Variants in EGLN3 observed in about 807,000 individuals in gnomAD.
The protein encoded by EGLN3 is prolyl hydroxylase EGLN3.
EGLN3 carries 15 observed loss-of-function variants against 26.0 expected under a neutral mutation model. The ratio of observed to expected loss-of-function variants is 0.58; its 90% confidence interval spans 0.39 to 0.89. EGLN3 has a LOEUF of 0.89. Among genes scored for constraint, EGLN3 ranks in the 40% least tolerant of loss-of-function variants. The pLI, the probability that EGLN3 is intolerant of heterozygous loss-of-function variation, is 0.00. For missense variants in EGLN3, 238 were observed against 311.6 expected, an observed-to-expected ratio of 0.76 and a Z score of 1.78; for synonymous variants, 147 against 127.2, an observed-to-expected ratio of 1.16 and a Z score of -1.05.
chr14:33,937,118 C>T (rs995492347), intron 1 of EGLN3, among the ~76,000 whole-genome samples: 9 of 152,164 alleles, frequency 5.9e-5, no homozygotes, highest in African/African-American at 2.2e-4. Flanking sequence ...AAGCTTTCTC[C>T]AAGTTTTAAG....
intron 3 of EGLN3, 57 bp from the exon 4 acceptor site, chr14:33,927,090 A>C (rs2064367171): frequency 1.4e-5 from 17 of 1,241,912 alleles, no homozygotes; most frequent in Non-Finnish European, 1.9e-5. Context: ...TAGAAACACA[A>C]ATGTCCTATA....
intron 1 of EGLN3, among the ~76,000 whole-genome samples, chr14:33,943,779 T>C (rs1299964146): frequency 6.6e-6 from 1 of 152,178 alleles, no homozygotes; most frequent in Non-Finnish European, 1.5e-5. Context: ...AGAGAAATCT[T>C]TCATACATGG....
intron 1 of EGLN3, among the ~76,000 whole-genome samples, chr14:33,943,993 C>A (rs2064500572): frequency 6.6e-6 from 1 of 152,144 alleles, no homozygotes; most frequent in Non-Finnish European, 1.5e-5. Context: ...GGGTGTTTAT[C>A]AATTTTCAGT....
intron 3 of EGLN3, among the ~76,000 whole-genome samples, 186 bp from the exon 4 acceptor site, chr14:33,927,219 C>T (rs915170038): frequency 6.7e-6 from 1 of 149,458 alleles, no homozygotes; most frequent in African/African-American, 2.5e-5. Context: ...GCTCTGTTGC[C>T]AGGCAGAGGC....
intron 1 of EGLN3, chr14:33,948,247 C>T (rs1306173801): frequency 6.6e-6 from 1 of 152,110 alleles, no homozygotes; most frequent in African/African-American, 2.4e-5. Context: ...TCTACCATGA[C>T]TTTAATAATG....
At chr14:33,941,131 C>T (rs1410273768) in intron 1 of EGLN3, among the ~76,000 whole-genome samples, 1 of 152,134 alleles carries the variant, frequency 6.6e-6, no homozygotes, top group Middle Eastern at 3.2e-3. Flanking sequence ...TGCCCAAGAT[C>T]ATAGGAAGAT....
In EGLN3 at chr14:33,925,004, T is replaced by C. The variant is rs1310708547; in HGVS notation, c.*887A>G. On this transcript the variant is annotated 3_prime_UTR_variant, in exon 5 of 5. Coordinates refer to ENST00000250457, the MANE Select transcript of EGLN3 (RefSeq NM_022073.4). Reference sequence around the variant, plus strand: ...TTCCAACTCCACCTCCCCTCTCAAATTGTTCAAGATGCACACATGTTTATT... The same window carrying C: ...TTCCAACTCCACCTCCCCTCTCAAACTGTTCAAGATGCACACATGTTTATT... The C allele has an allele frequency of 2.0e-5, 3 of 146,696 alleles. No individual in the cohort carries two copies. The highest frequency in any genetic ancestry group is 7.5e-5 in the African/African-American group (3 of 39,838). The allele number at this position is 146,696 out of a possible 1,614,324, so 9.1% of individuals were successfully genotyped here.
Position 33,931,181 on chromosome 14 carries a change from C to A in EGLN3, c.392G>T (p.Gly131Val). 1 of 1,614,186 alleles carries A rather than the reference C, an allele frequency of 6.2e-7. No individual in the cohort carries two copies. Among genetic ancestry groups the A allele is most frequent in the Non-Finnish European group, 8.5e-7 (1 of 1,180,020 alleles). The part of the protein sequence containing the change: ...MVACYPGNGT[G>V]YVRHVDNPNG... ...GGGGTTGTCCACGTGGCGAACATAA[C>A]CTGTTCCATTTCCCGGATAGCAAGC... The change falls in exon 2 of 5, where the codon GGT becomes GTT. Residue 131 changes from glycine to valine, a missense_variant. Gly to Val is a moderately radical substitution (Grantham distance 109). Coordinates refer to ENST00000250457, the MANE Select transcript of EGLN3 (RefSeq NM_022073.4).
At chr14:33,942,074 T>C (rs1211788234) in intron 1 of EGLN3, among the ~76,000 whole-genome samples, 2 of 152,158 alleles carry the variant, frequency 1.3e-5, no homozygotes, top group Non-Finnish European at 2.9e-5. Context: ...ATTTTTGGAT[T>C]ATTTTGTTTT....
At chr14:33,934,189 C>G (rs1354887594) in intron 1 of EGLN3, among the ~76,000 whole-genome samples, 2 of 152,164 alleles carry the variant, frequency 1.3e-5, no homozygotes, top group African/African-American at 4.8e-5. Context: ...CACCTCCCAC[C>G]ATCCCCATTC....
chr14:33,929,127 A>G lies in EGLN3; in HGVS notation c.563T>C (p.Phe188Ser). 6.2e-7 allele frequency: 1 copy of G among 1,614,204 alleles called. No individual in the cohort carries two copies. Among genetic ancestry groups the G allele is most frequent in the Non-Finnish European group, 8.5e-7 (1 of 1,180,034 alleles). The change falls in exon 3 of 5, where the codon TTC becomes TCC. Residue 188 changes from phenylalanine (F) to serine (S), a missense_variant. Transcript: ENST00000250457. ...GTGTGGGTTCCTACGATCTGACCAG[A>G]AGAACAGGAGTCTGTCAAAAATGGG... ...VEPIFDRLLF[F>S]WSDRRNPHEV... is the part of the protein sequence containing the mutation.
rs777238688 is a variant in EGLN3 at position 33,929,167 on chromosome 14, T to C, written c.523A>G (p.Ile175Val). Residue 175 changes from isoleucine to valine, a missense_variant, in exon 3 of 5, where the codon ATA (isoleucine) becomes GTA (valine). Ile to Val is a conservative substitution (Grantham distance 29, BLOSUM62 3). Transcript: ENST00000250457. ...TCAAAAATGGGCTCCACATCTGCTA[T>C]GAATGATTTCCCCTCTGGAAATATC... The part of the protein sequence containing the change: ...LRIFPEGKSF[I>V]ADVEPIFDRL... 5 of 1,614,230 alleles carry C rather than the reference T, an allele frequency of 3.1e-6. No homozygotes were observed. The highest frequency in any genetic ancestry group is 4.2e-6 in the Non-Finnish European group (5 of 1,180,030).
At chr14:33,928,889 G>T (rs1310281678) in intron 3 of EGLN3, among the ~76,000 whole-genome samples, 187 bp downstream of exon 3, 2 of 152,198 alleles carry the variant, frequency 1.3e-5, no homozygotes, top group Non-Finnish European at 2.9e-5. Context: ...TTCAAACTGA[G>T]GTTAGGTTTG....
intron 1 of EGLN3, among the ~76,000 whole-genome samples, chr14:33,936,462 A>G (rs1449420168): frequency 1.3e-5 from 2 of 151,960 alleles, no homozygotes; most frequent in Non-Finnish European, 2.9e-5. Context: ...TTCCAGGGCT[A>G]TTTTTCTAGG....
chr14:33,935,425 G>C (rs1000784219), intron 1 of EGLN3, among the ~76,000 whole-genome samples: 1 of 152,130 alleles, frequency 6.6e-6, no homozygotes, highest in African/African-American at 2.4e-5. Context: ...ACATGAGTCA[G>C]AACTCTGGTG....
Position 33,925,602 on chromosome 14 carries a change from C to A in EGLN3, c.*289G>T. Reference sequence around the variant, plus strand: ...TCCCTCGCTGTGCTCCTAGGCTCTTCTCTTGATAGTATTACCGAATCTATC... The same window carrying A: ...TCCCTCGCTGTGCTCCTAGGCTCTTATCTTGATAGTATTACCGAATCTATC... On this transcript the variant is annotated 3_prime_UTR_variant, in exon 5 of 5. Transcript: ENST00000250457. 1 of 419,176 alleles carries A rather than the reference C, an allele frequency of 2.4e-6. No homozygotes were observed. The highest frequency in any genetic ancestry group is 3.1e-5 in the South Asian group (1 of 32,360). 26.0% of individuals were successfully genotyped at this position (419,176 alleles called of 1,614,324 possible).
chr14:33,933,721 A>C (rs2064420435), intron 1 of EGLN3, among the ~76,000 whole-genome samples: 1 of 152,156 alleles, frequency 6.6e-6, no homozygotes, highest in South Asian at 2.1e-4. Context: ...CTAAGGATGC[A>C]CCGAGAAGCA....
rs368729677 is a variant in EGLN3 at position 33,931,081 on chromosome 14, A to C, written c.477+15T>G. ...GTTTCTAACCCCACACTCTACTCCC[A>C]TTATTCAAAAGTACCTTGGCATCCC... On this transcript the variant is annotated intron_variant, in intron 2 of 4. Coordinates refer to ENST00000250457, the MANE Select transcript of EGLN3 (RefSeq NM_022073.4). 47 of 1,613,948 alleles carry C rather than the reference A, an allele frequency of 2.9e-5. No homozygotes were observed. The highest frequency in any genetic ancestry group is 3.9e-5 in the Non-Finnish European group (46 of 1,179,992).
chr14:33,933,678 T>C (rs2064420065), intron 1 of EGLN3, among the ~76,000 whole-genome samples: 1 of 152,126 alleles, frequency 6.6e-6, no homozygotes, highest in Non-Finnish European at 1.5e-5. Context: ...CCCAACTATT[T>C]GCTCGTCTTT....
Sources: gnomAD v4.1 joint callset for allele counts (sites outside exome capture counted in the v4.1 genomes callset) on GRCh38, gnomAD v4.1.1 for gene constraint, MANE v1.5 for transcripts, NCBI Gene and HGNC (gene_info 2026-07-23, HGNC 2026-07-21) for gene names.